The following MSX1 variants were observed in gnomAD, a reference collection of about 807,000 sequenced individuals.
The protein encoded by MSX1 is msh homeobox 1, also known as homeobox protein MSX-1.
A neutral mutation model predicts 17.0 loss-of-function variants in MSX1; 11 were observed. That is an observed-to-expected ratio of 0.65 (90% CI 0.41 to 1.07). The LOEUF is 1.07. Among genes scored for constraint, MSX1 ranks in the 50% least tolerant of loss-of-function variants. MSX1 has a pLI of 0.00. For synonymous variants in MSX1, 253 were observed against 211.8 expected, an observed-to-expected ratio of 1.19 and a Z score of -1.69; for missense variants, 477 against 440.1, an observed-to-expected ratio of 1.08 and a Z score of -0.75.
At chr4:4,862,443 G>C (rs768485323) in intron 1 of MSX1, 17 of 676,982 alleles carry the variant, frequency 2.5e-5, no homozygotes, top group Non-Finnish European at 3.8e-5. Context: ...TGTGGACATC[G>C]AGCCTTCAAC....
chr4:4,862,648 T>C, intron 1 of MSX1, 53 bp from the exon 2 acceptor site: 1 of 1,592,956 alleles, frequency 6.3e-7, no homozygotes, highest in South Asian at 1.1e-5. Flanking sequence ...GGGCTGATCA[T>C]GCTCCAATGC....
rs1188611935 is a variant in MSX1, at chr4:4,860,061, G to A, written c.162G>A (p.Val54=). The A allele has an allele frequency of 5.3e-6, 8 of 1,519,856 alleles. No homozygotes were observed. The highest frequency in any genetic ancestry group is 2.1e-5 in the Admixed American group (1 of 47,610). The allele number at this position is 1,519,856 out of a possible 1,614,324, so 94.1% of individuals were successfully genotyped here. A position where few individuals can be genotyped will look rare whatever the true frequency, so the allele number is the denominator to read the frequency against. ...GADEEGAKPK[V]SPSLLPFSVE... is the part of the protein sequence containing the mutation. ...ACGAGGAGGGGGCCAAGCCCAAAGT[G>A]TCCCCTTCGCTCCTGCCCTTCAGCG... Residue 54 remains valine (V), a synonymous_variant, in exon 1 of 2, where the codon GTG becomes GTA. Coordinates refer to ENST00000382723, the MANE Select transcript of MSX1 (RefSeq NM_002448.3).
rs1737873803 is a variant in MSX1 at position 4,860,108 on chromosome 4, A to G, written c.209A>G (p.His70Arg). The G allele has an allele frequency of 6.6e-7, 1 of 1,517,264 alleles. No individual in the cohort carries two copies. Among genetic ancestry groups the G allele is most frequent in the Non-Finnish European group, 8.8e-7 (1 of 1,136,530 alleles). 94.0% of individuals were successfully genotyped at this position (1,517,264 alleles called of 1,614,324 possible). A position where few individuals can be genotyped will look rare whatever the true frequency, so the allele number is the denominator to read the frequency against. ...AGCGTGGAGGCGCTCATGGCCGACC[A>G]CAGGAAGCCGGGGGCCAAGGAGAGC... ...PFSVEALMAD[H>R]RKPGAKESAL... Residue 70 changes from histidine (H) to arginine (R), a missense_variant, in exon 1 of 2, where the codon CAC (histidine) becomes CGC (arginine). Transcript: ENST00000382723.
rs2108777521 is a variant in MSX1, at chr4:4,859,787, C to T, written c.-113C>T. ...GGGCGGGAGGCGCGCGCGGGAGGGTCCGCCCGGCCAGGGCCCCGGGCGCTC... is the reference window on the plus strand; with the variant it reads ...GGGCGGGAGGCGCGCGCGGGAGGGTTCGCCCGGCCAGGGCCCCGGGCGCTC... On this transcript the variant is annotated 5_prime_UTR_variant, in exon 1 of 2. Transcript: ENST00000382723. 1.1e-6 allele frequency: 1 copy of T among 892,354 alleles called. No homozygotes were observed. The highest frequency in any genetic ancestry group is 4.8e-5 in the Admixed American group (1 of 20,926). 55.3% of individuals were successfully genotyped at this position (892,354 alleles called of 1,614,324 possible).
In MSX1 at chr4:4,863,419, A is replaced by G. The variant is rs12532; in HGVS notation, c.*276A>G. ...GCAGAGAGGTTAACAGATTTATCTA[A>G]GGTCCCCAGCAGAATTGACAGTTGA... On this transcript the variant is annotated 3_prime_UTR_variant, in exon 2 of 2. Coordinates refer to ENST00000382723, the MANE Select transcript of MSX1 (RefSeq NM_002448.3). 0.34 allele frequency: 155,881 copies of G among 457,632 alleles called. 28,816 individuals carry two copies. The highest frequency in any genetic ancestry group is 0.6 in the East Asian group (15,677 of 25,994). 28.3% of individuals were successfully genotyped at this position (457,632 alleles called of 1,614,324 possible).
chr4:4,860,908 G>T (rs186421875), intron 1 of MSX1, among the ~76,000 whole-genome samples: 1 of 152,200 alleles, frequency 6.6e-6, no homozygotes, highest in African/African-American at 2.4e-5. Flanking sequence ...ATTCAGGGGT[G>T]GGGACATTCA....
intron 1 of MSX1, among the ~76,000 whole-genome samples, chr4:4,862,222 C>G (rs1481133715): frequency 1.3e-5 from 2 of 152,248 alleles, no homozygotes; most frequent in Admixed American, 6.5e-5. Context: ...CACTGAAGCA[C>G]TCCGTGGGCA....
In MSX1 at chr4:4,862,867, T is replaced by C. The variant is rs1737949776; in HGVS notation, c.636T>C (p.Thr212=). 2 of 1,613,770 alleles carry C rather than the reference T, an allele frequency of 1.2e-6. No individual in the cohort carries two copies. Among genetic ancestry groups the C allele is most frequent in the South Asian group, 2.2e-5 (2 of 91,088 alleles). The change falls in exon 2 of 2, where the codon ACT becomes ACC. Residue 212 remains threonine (T), a synonymous_variant. Transcript: ENST00000382723. ...AGTTCTCCAGCTCGCTCAGCCTCAC[T>C]GAGACGCAGGTGAAGATATGGTTCC... is the stretch of plus-strand genomic sequence containing the variant. ...RAEFSSSLSL[T]ETQVKIWFQN... is the part of the protein sequence containing the mutation.
Position 4,862,713 on chromosome 4 carries a change from C to A in MSX1, c.482C>A (p.Pro161His). The A allele has an allele frequency of 6.2e-7, 1 of 1,612,970 alleles. No homozygotes were observed. The highest frequency in any genetic ancestry group is 8.5e-7 in the Non-Finnish European group (1 of 1,180,018). ...TTTCGGCCCTCAGGGCGGCTGAGCC[C>A]CCCAGCCTGCACCCTCCGCAAACAC... Reference protein sequence around the residue: ...FSPPPARRLSPPACTLRKHKT... With the variant: ...FSPPPARRLSHPACTLRKHKT... The change falls in exon 2 of 2, where the codon CCC becomes CAC. Residue 161 changes from proline to histidine, a missense_variant. By Grantham distance (77) the Pro-to-His change is moderately conservative. Coordinates refer to ENST00000382723, the MANE Select transcript of MSX1 (RefSeq NM_002448.3).
chr4:4,861,558 G>A (rs1737916323), intron 1 of MSX1, among the ~76,000 whole-genome samples: 1 of 152,272 alleles, frequency 6.6e-6, no homozygotes. Flanking sequence ...AAACCCGCGT[G>A]GTGAAACATC....
At chr4:4,860,393 G>C in intron 1 of MSX1, 25 bp downstream of exon 1, 1 of 1,581,506 alleles carries the variant, frequency 6.3e-7, no homozygotes, top group Non-Finnish European at 8.5e-7. Context: ...CCCAGGCGCA[G>C]AGGGAGGGGG....
chr4:4,863,577 A>AAAAAAAAAAAAAAAG lies in MSX1; in HGVS notation c.*445_*446insAAAGAAAAAAAAAAA, dbSNP rs1737979132. 7.0e-6 allele frequency: 1 copy of AAAAAAAAAAAAAAAG among 142,942 alleles called. No individual in the cohort carries two copies. Among genetic ancestry groups the AAAAAAAAAAAAAAAG allele is most frequent in the Non-Finnish European group, 1.6e-5 (1 of 64,446 alleles). 8.9% of individuals were successfully genotyped at this position (142,942 alleles called of 1,614,324 possible). On this transcript the variant is annotated 3_prime_UTR_variant, in exon 2 of 2. Coordinates refer to ENST00000382723, the MANE Select transcript of MSX1 (RefSeq NM_002448.3). ...CAAAAAAAAAAAAAAAAAAAAAAAA[A>AAAAAAAAAAAAAAAG]AAAAAAAAAAAGAAAAGAGAAAAAA... is the stretch of plus-strand genomic sequence containing the variant.
chr4:4,860,004 C>T lies in MSX1; in HGVS notation c.105C>T (p.Ala35=), dbSNP rs1285269515. ...AGGGAGQAPS[A]AAATAAAMGA... ...GAGGCGCGGGCCAGGCCCCCAGCGC[C>T]GCCGCGGCCACGGCAGCCGCCATGG... Residue 35 remains alanine (A), a synonymous_variant, in exon 1 of 2, where the codon GCC becomes GCT. Coordinates refer to ENST00000382723, the MANE Select transcript of MSX1 (RefSeq NM_002448.3). 1 of 1,497,422 alleles carries T rather than the reference C, an allele frequency of 6.7e-7. No homozygotes were observed. Among genetic ancestry groups the T allele is most frequent in the Non-Finnish European group, 8.9e-7 (1 of 1,124,610 alleles). The allele number at this position is 1,497,422 out of a possible 1,614,324, so 92.8% of individuals were successfully genotyped here.
rs1405895606 is a variant in MSX1 at position 4,860,295 on chromosome 4, C to T, written c.396C>T (p.Val132=). The change falls in exon 1 of 2, where the codon GTC becomes GTT. Residue 132 remains valine, a synonymous_variant. Coordinates refer to ENST00000382723, the MANE Select transcript of MSX1 (RefSeq NM_002448.3). ...TCAAGCTGCCAGAAGATGCGCTCGT[C>T]AAAGCCGAGAGCCCCGAGAAGCCCG... is the stretch of plus-strand genomic sequence containing the variant. ...GLLKLPEDAL[V]KAESPEKPER... is the part of the protein sequence containing the mutation. 3 of 1,601,384 alleles carry T rather than the reference C, an allele frequency of 1.9e-6. No individual in the cohort carries two copies. The highest frequency in any genetic ancestry group is 1.1e-5 in the South Asian group (1 of 90,994).
Position 4,861,487 on chromosome 4 carries a change from G to GT in MSX1, c.469+1125dup, listed in dbSNP as rs869139137. Among the ~76,000 whole-genome samples the GT allele has an allele frequency of 6.0e-4, 91 of 152,170 alleles. 1 individual carries two copies. The highest frequency in any genetic ancestry group is 2.5e-3 in the South Asian group (12 of 4,824). The stretch of plus-strand genomic sequence containing the variant: ...CGTTGTGTTTTCTTTGTTTTGTTTT[G>GT]TTTTTTCTGTTTGTTTGTGGTTGTT... On this transcript the variant is annotated intron_variant, in intron 1 of 1. Coordinates refer to ENST00000382723, the MANE Select transcript of MSX1 (RefSeq NM_002448.3).
rs545651715 is a variant in MSX1 at position 4,860,360 on chromosome 4, C to G, written c.461C>G (p.Pro154Arg). Residue 154 changes from proline (P) to arginine (R), a missense_variant, in exon 1 of 2, where the codon CCG becomes CGG. Transcript: ENST00000382723. ...ATGCAGAGCCCCCGCTTCTCCCCGCCGCCGGCCAGTGAGTAGCCAGAACCC... is the reference window on the plus strand; with the variant it reads ...ATGCAGAGCCCCCGCTTCTCCCCGCGGCCGGCCAGTGAGTAGCCAGAACCC... ...PWMQSPRFSP[P>R]PARRLSPPAC... The G allele has an allele frequency of 4.4e-6, 7 of 1,602,420 alleles. No individual in the cohort carries two copies. In the South Asian group the frequency reaches 7.7e-5, roughly 18 times the overall value.
In MSX1 at chr4:4,862,905, C is replaced by T. The variant is rs755255042; in HGVS notation, c.674C>T (p.Ala225Val). ...AAGATATGGTTCCAGAACCGCCGCG[C>T]CAAGGCAAAGAGACTACAAGAGGCA... ...QVKIWFQNRR[A>V]KAKRLQEAEL... The change falls in exon 2 of 2, where the codon GCC becomes GTC. Residue 225 changes from alanine to valine, a missense_variant. Coordinates refer to ENST00000382723, the MANE Select transcript of MSX1 (RefSeq NM_002448.3). 1 of 1,613,638 alleles carries T rather than the reference C, an allele frequency of 6.2e-7. No individual in the cohort carries two copies. The highest frequency in any genetic ancestry group is 1.1e-5 in the South Asian group (1 of 91,090).
chr4:4,861,111 C>T (rs895580695), intron 1 of MSX1, among the ~76,000 whole-genome samples: 1 of 152,268 alleles, frequency 6.6e-6, no homozygotes, highest in Non-Finnish European at 1.5e-5. Flanking sequence ...TTCAGGAGCA[C>T]GGGAAATTCC....
In MSX1 at chr4:4,860,324, G is replaced by C; in HGVS notation, c.425G>C (p.Arg142Thr). ...GCCGAGAGCCCCGAGAAGCCCGAGA[G>C]GACCCCGTGGATGCAGAGCCCCCGC... ...VKAESPEKPE[R>T]TPWMQSPRFS... Residue 142 changes from arginine (R) to threonine (T), a missense_variant, in exon 1 of 2, where the codon AGG becomes ACG. Coordinates refer to ENST00000382723, the MANE Select transcript of MSX1 (RefSeq NM_002448.3). 2.5e-6 allele frequency: 4 copies of C among 1,604,522 alleles called. No homozygotes were observed. Among genetic ancestry groups the C allele is most frequent in the Non-Finnish European group, 3.4e-6 (4 of 1,179,692 alleles).
Sources: gnomAD v4.1 joint callset for allele counts (sites outside exome capture counted in the v4.1 genomes callset) on GRCh38, gnomAD v4.1.1 for gene constraint, MANE v1.5 for transcripts, NCBI Gene and HGNC (gene_info 2026-07-23, HGNC 2026-07-21) for gene names.